Variants in FBXO36 observed in about 807,000 individuals in gnomAD.
The protein encoded by FBXO36 is F-box only protein 36.
In FBXO36, 18 loss-of-function variants were observed where a neutral mutation model predicts 17.0. That is an observed-to-expected ratio of 1.06 (90% confidence interval 0.73 to 1.57). FBXO36 has a LOEUF of 1.57. Ranked by LOEUF, FBXO36 falls within the 40% of genes most tolerant of loss-of-function variation. The probability of loss-of-function intolerance (pLI) is 0.00; values close to 1 mark genes in which losing one functional copy is unlikely to be tolerated. For missense variants in FBXO36, 229 were observed against 221.9 expected (o/e 1.03, Z -0.20); for synonymous variants, 83 against 85.3 (o/e 0.97, Z 0.15).
At chr2:229,955,846 G>A (rs552742433) in intron 1 of FBXO36, among the ~76,000 whole-genome samples, 1 of 152,268 alleles carries the variant, frequency 6.6e-6, no homozygotes. Flanking sequence ...TTCCTATAAG[G>A]TCACATGTTT....
At chr2:229,951,228 C>G (rs1376196357) in intron 1 of FBXO36, among the ~76,000 whole-genome samples, 2 of 151,832 alleles carry the variant, frequency 1.3e-5, no homozygotes, top group Non-Finnish European at 2.9e-5. Flanking sequence ...CCACCGCGCC[C>G]GTCCCAGGCA....
At chr2:229,985,964 C>T (rs1290761315) in intron 2 of FBXO36, among the ~76,000 whole-genome samples, 2 of 152,100 alleles carry the variant, frequency 1.3e-5, no homozygotes, top group African/African-American at 4.8e-5. Flanking sequence ...GGGAGGATGG[C>T]TTGAGCTAGG....
At chr2:229,952,691 C>A (rs1005382056) in intron 1 of FBXO36, among the ~76,000 whole-genome samples, 10 of 152,146 alleles carry the variant, frequency 6.6e-5, no homozygotes, top group African/African-American at 2.2e-4. Flanking sequence ...CTCCCAGCCC[C>A]CCAGCCTCCT....
intron 1 of FBXO36, among the ~76,000 whole-genome samples, chr2:229,948,811 A>G (rs2077040376): frequency 6.6e-6 from 1 of 152,108 alleles, no homozygotes; most frequent in South Asian, 2.1e-4. Flanking sequence ...TGGACTGCCT[A>G]CTGCCTCTTT....
intron 1 of FBXO36, among the ~76,000 whole-genome samples, chr2:229,971,273 T>G (rs1002279721): frequency 1.3e-5 from 2 of 151,386 alleles, no homozygotes; most frequent in African/African-American, 4.9e-5. Context: ...GAGAATTGCT[T>G]GAACCCAGGA....
chr2:229,991,046 C>G (rs1377419842), intron 2 of FBXO36, among the ~76,000 whole-genome samples: 2 of 151,620 alleles, frequency 1.3e-5, no homozygotes, highest in African/African-American at 2.4e-5. Flanking sequence ...AGCAATTCTT[C>G]CACCTCAGCC....
intron 1 of FBXO36, among the ~76,000 whole-genome samples, chr2:229,930,103 G>A (rs933468680): frequency 2.0e-5 from 3 of 152,030 alleles, no homozygotes; most frequent in Non-Finnish European, 4.4e-5. Context: ...ATCCTAGCAC[G>A]TTGGGAGACC....
At chr2:229,949,692 A>G (rs571199464) in intron 1 of FBXO36, among the ~76,000 whole-genome samples, 4 of 151,842 alleles carry the variant, frequency 2.6e-5, no homozygotes, top group East Asian at 2.0e-4. Flanking sequence ...TTGGGAGGCC[A>G]AGGCGGGCGG....
intron 1 of FBXO36, among the ~76,000 whole-genome samples, chr2:229,944,002 T>C (rs1304635309): frequency 6.6e-6 from 1 of 152,102 alleles, no homozygotes; most frequent in Admixed American, 6.6e-5. Context: ...CTCCCCCTTC[T>C]CTCTGTCTTC....
At chr2:229,955,130 G>T (rs1489353876) in intron 1 of FBXO36, among the ~76,000 whole-genome samples, 2 of 152,272 alleles carry the variant, frequency 1.3e-5, no homozygotes, top group East Asian at 1.9e-4. Flanking sequence ...GGGATTACAG[G>T]TGTGAGCCAC....
rs376877835 is a variant in FBXO36, at chr2:229,990,690, TAC to T, written c.206-6059_206-6058del. On this transcript the variant is annotated intron_variant, in intron 2 of 3. Transcript: ENST00000283946. ...ATATGTTCCTAAGTAAAGTTTAGCA[TAC>T]AGTTTTCCTTTTGCCTACCATCATT... is the stretch of plus-strand genomic sequence containing the variant. Among the ~76,000 whole-genome samples the T allele has an allele frequency of 3.9e-5, 6 of 152,344 alleles. No homozygotes were observed. In the East Asian group the frequency reaches 1.2e-3, roughly 29 times the overall value.
At chr2:229,995,592 C>CTTTTTTTT (rs748422157) in intron 2 of FBXO36, among the ~76,000 whole-genome samples, 47 of 114,532 alleles carry the variant, frequency 4.1e-4, no homozygotes, top group Non-Finnish European at 6.0e-4. Context: ...CTCTTTCTTT[C>CTTTTTTTT]TTTCTTTTTT....
chr2:229,996,898 GT>G lies in FBXO36; in HGVS notation c.354del (p.Gln119LysfsTer19). The G allele has an allele frequency of 6.2e-7, 1 of 1,613,734 alleles. No individual in the cohort carries two copies. Among genetic ancestry groups the G allele is most frequent in the Non-Finnish European group, 8.5e-7 (1 of 1,179,922 alleles). On this transcript the variant is annotated frameshift_variant, in exon 3 of 4. Coordinates refer to ENST00000283946, the MANE Select transcript of FBXO36 (RefSeq NM_174899.5). LOFTEE classifies it low-confidence loss of function (END_TRUNC). ...YLDLEDIARL[C>X]QTSHRFAKLC... ...GATCTTGAAGATATTGCCAGGCTTTGTCAAACATCACACAGATTTGCAAAGG... is the reference window on the plus strand; with the variant it reads ...GATCTTGAAGATATTGCCAGGCTTTGCAAACATCACACAGATTTGCAAAGG...
rs374817813 is a variant in FBXO36, at chr2:229,949,798, G to A, written c.97-26443G>A. The stretch of plus-strand genomic sequence containing the variant: ...AAATTAGCCGGGCGTGGTGGCGGGC[G>A]CCTGTAGTCCCAGCTACTCGGGAGG... On this transcript the variant is annotated intron_variant, in intron 1 of 3. Transcript: ENST00000283946. Among the ~76,000 whole-genome samples the A allele has an allele frequency of 1.5e-4, 23 of 152,200 alleles. No individual in the cohort carries two copies. The East Asian group carries it at 1.6e-3, about 10-fold the overall frequency.
At chr2:229,933,928 T>G (rs576422791) in intron 1 of FBXO36, among the ~76,000 whole-genome samples, 1 of 152,056 alleles carries the variant, frequency 6.6e-6, no homozygotes, top group South Asian at 2.1e-4. Context: ...TCAGGTGATC[T>G]GCCCGCTTTG....
intron 1 of FBXO36, among the ~76,000 whole-genome samples, chr2:229,930,299 TC>T (rs1465046020): frequency 2.0e-5 from 3 of 152,158 alleles, no homozygotes; most frequent in Non-Finnish European, 4.4e-5. Flanking sequence ...TGAGCCATGA[TC>T]GTGCCAGTGC....
intron 2 of FBXO36, among the ~76,000 whole-genome samples, chr2:229,988,864 T>TAGTATTTATGCTTTAATAG (rs2077284131): frequency 6.8e-6 from 1 of 147,066 alleles, no homozygotes; most frequent in East Asian, 2.0e-4. Context: ...TTTTACCGCA[T>TAGTATTTATGCTTTAATAG]AGTATTTATG....
intron 2 of FBXO36, among the ~76,000 whole-genome samples, chr2:229,993,965 G>T (rs749094284): frequency 3.2e-4 from 48 of 151,812 alleles, no homozygotes; most frequent in Non-Finnish European, 5.9e-4. Flanking sequence ...GTAGGGACAG[G>T]GATTCACTGT....
At chr2:229,944,058 A>G (rs1457839648) in intron 1 of FBXO36, among the ~76,000 whole-genome samples, 1 of 151,958 alleles carries the variant, frequency 6.6e-6, no homozygotes, top group Non-Finnish European at 1.5e-5. Flanking sequence ...TTCACCTTCC[A>G]TCATGATTGT....
Sources: allele counts gnomAD v4.1 joint callset (sites outside exome capture counted in the v4.1 genomes callset), GRCh38; gene constraint gnomAD v4.1.1; transcripts MANE v1.5; gene names NCBI Gene and HGNC (gene_info 2026-07-23, HGNC 2026-07-21).